The following TECRL variants were observed in gnomAD, a reference collection of about 807,000 sequenced individuals.
The protein encoded by TECRL is trans-2,3-enoyl-CoA reductase like.
In TECRL, 63 loss-of-function variants were observed where a neutral mutation model predicts 52.8. The observed-to-expected ratio is 1.19, with a 90% confidence interval of 0.97 to 1.47. The LOEUF (loss-of-function observed/expected upper bound fraction) is 1.47, where lower values mean the gene tolerates loss of function less well. Ranked by LOEUF, TECRL falls within the 40% of genes most tolerant of loss-of-function variation. The pLI, the probability that TECRL is intolerant of heterozygous loss-of-function variation, is 0.00. For missense variants in TECRL, 482 were observed against 429.6 expected (o/e 1.12, Z -1.08); for synonymous variants, 164 against 141.9 (o/e 1.16, Z -1.10).
intron 2 of TECRL, among the ~76,000 whole-genome samples, chr4:64,340,372 G>A (rs938004528): frequency 1.3e-5 from 2 of 152,172 alleles, no homozygotes. Context: ...GAGGTCTAGG[G>A]AGGCCCCGCT....
At chr4:64,344,947 C>A (rs1024525735) in intron 2 of TECRL, among the ~76,000 whole-genome samples, 3 of 152,024 alleles carry the variant, frequency 2.0e-5, no homozygotes, top group Non-Finnish European at 1.5e-5. Flanking sequence ...TTAACATTGT[C>A]CATAAAGAAG....
intron 6 of TECRL, among the ~76,000 whole-genome samples, chr4:64,306,013 A>T (rs1464854998): frequency 6.6e-6 from 1 of 152,042 alleles, no homozygotes. Flanking sequence ...AATAACTCAG[A>T]CCTCACTAAA....
intron 2 of TECRL, among the ~76,000 whole-genome samples, chr4:64,349,413 G>C (rs1186156204): frequency 6.6e-6 from 1 of 152,074 alleles, no homozygotes; most frequent in African/African-American, 2.4e-5. Context: ...TTATAGGTGT[G>C]AGCCACCTCC....
At chr4:64,400,248 G>A (rs1035099565) in intron 1 of TECRL, among the ~76,000 whole-genome samples, 4 of 152,268 alleles carry the variant, frequency 2.6e-5, no homozygotes, top group Middle Eastern at 3.4e-3. Context: ...GGACCCTGTA[G>A]CCACTTTCTT....
At chr4:64,295,713 CTA>C (rs1179094580) in intron 8 of TECRL, among the ~76,000 whole-genome samples, 15 of 151,712 alleles carry the variant, frequency 9.9e-5, no homozygotes, top group African/African-American at 3.6e-4. Flanking sequence ...AGTGAAATCT[CTA>C]TAGTTTTATA....
Position 64,400,675 on chromosome 4 carries a change from G to A in TECRL, c.234+8443C>T, listed in dbSNP as rs1429975585. Among the ~76,000 whole-genome samples, 5 of 152,114 alleles carry A rather than the reference G, an allele frequency of 3.3e-5. No homozygotes were observed. The East Asian group carries it at 9.7e-4, about 29-fold the overall frequency. Reference sequence around the variant, plus strand: ...CTTGGCACTGTCCTCTTCATAGTGAGTGAGTTCTTGCAGGATCTGATTGTT... The same window carrying A: ...CTTGGCACTGTCCTCTTCATAGTGAATGAGTTCTTGCAGGATCTGATTGTT... On this transcript the variant is annotated intron_variant, in intron 1 of 11. Coordinates refer to ENST00000381210, the MANE Select transcript of TECRL (RefSeq NM_001010874.5).
chr4:64,294,038 G>A (rs1044265073), intron 8 of TECRL, among the ~76,000 whole-genome samples: 1 of 151,310 alleles, frequency 6.6e-6, no homozygotes, highest in Non-Finnish European at 1.5e-5. Context: ...TCAGGCTGGA[G>A]TGCAGTGGCA....
chr4:64,306,945 C>T (rs1252684481), intron 6 of TECRL, among the ~76,000 whole-genome samples: 2 of 152,200 alleles, frequency 1.3e-5, no homozygotes, highest in African/African-American at 4.8e-5. Context: ...GCCAAGGTGC[C>T]TGACAAGGCA....
rs1395326933 is a variant in TECRL at position 64,280,052 on chromosome 4, T to G, written c.*20A>C. On this transcript the variant is annotated 3_prime_UTR_variant, in exon 12 of 12. Transcript: ENST00000381210. ...TGAATTTATATGTTGCTGTTTTCTA[T>G]AGGAGATAAGATTCTTTTTTTACAA... is the stretch of plus-strand genomic sequence containing the variant. The G allele has an allele frequency of 4.4e-6, 7 of 1,579,356 alleles. No individual in the cohort carries two copies. Among genetic ancestry groups the G allele is most frequent in the Non-Finnish European group, 6.0e-6 (7 of 1,163,984 alleles).
chr4:64,334,366 G>T (rs1411208738), intron 2 of TECRL, among the ~76,000 whole-genome samples: 1 of 152,144 alleles, frequency 6.6e-6, no homozygotes, highest in Non-Finnish European at 1.5e-5. Flanking sequence ...TTTCTTTGCA[G>T]TCTTGTAAAT....
chr4:64,345,924 A>AAAAAAAAAAAAAAAAAAC (rs1560516723), intron 2 of TECRL, among the ~76,000 whole-genome samples: 4 of 145,974 alleles, frequency 2.7e-5, no homozygotes, highest in Non-Finnish European at 4.5e-5. Context: ...AAAAAAAAAA[A>AAAAAAAAAAAAAAAAAAC]AAAAAAACAT....
intron 1 of TECRL, among the ~76,000 whole-genome samples, chr4:64,399,545 C>T (rs1724202840): frequency 6.6e-6 from 1 of 152,150 alleles, no homozygotes; most frequent in African/African-American, 2.4e-5. Flanking sequence ...CAGCCCCTCC[C>T]ACCAGAAGCC....
chr4:64,277,040 C>T, downstream of TECRL: 1 of 1,493,992 alleles, frequency 6.7e-7, no homozygotes, highest in Non-Finnish European at 8.9e-7. Flanking sequence ...ATGTCTTAGG[C>T]AGTGAGACCA....
chr4:64,313,022 C>T (rs1456106385), intron 5 of TECRL, among the ~76,000 whole-genome samples: 1 of 152,128 alleles, frequency 6.6e-6, no homozygotes, highest in Non-Finnish European at 1.5e-5. Flanking sequence ...CCTTGCGGAA[C>T]TGTGAGTCAA....
chr4:64,312,370 G>C (rs757752528), intron 5 of TECRL, among the ~76,000 whole-genome samples: 1 of 152,106 alleles, frequency 6.6e-6, no homozygotes, highest in Non-Finnish European at 1.5e-5. Flanking sequence ...ATCTGCTGTG[G>C]AATTACTTTA....
intron 2 of TECRL, among the ~76,000 whole-genome samples, chr4:64,347,931 G>T (rs1577913394): frequency 6.6e-6 from 1 of 152,144 alleles, no homozygotes; most frequent in East Asian, 1.9e-4. Flanking sequence ...CAACCAGTCA[G>T]CAAGTCTCTA....
intron 1 of TECRL, among the ~76,000 whole-genome samples, chr4:64,380,641 T>C (rs1199632766): frequency 6.6e-6 from 1 of 152,060 alleles, no homozygotes; most frequent in Non-Finnish European, 1.5e-5. Flanking sequence ...ATTTTTAGCA[T>C]CATTTATTAA....
intron 7 of TECRL, among the ~76,000 whole-genome samples, chr4:64,303,415 T>C (rs917764020): frequency 6.6e-5 from 10 of 151,694 alleles, no homozygotes; most frequent in Non-Finnish European, 4.4e-5. Flanking sequence ...CTCATTTTTG[T>C]GAAGGGGATC....
chr4:64,367,174 A>G (rs1721660022), intron 2 of TECRL, among the ~76,000 whole-genome samples: 1 of 152,102 alleles, frequency 6.6e-6, no homozygotes, highest in African/African-American at 2.4e-5. Flanking sequence ...TATAAGTGGG[A>G]GCAAAGCACT....
Sources: gnomAD v4.1 joint callset for allele counts (sites outside exome capture counted in the v4.1 genomes callset) on GRCh38, gnomAD v4.1.1 for gene constraint, MANE v1.5 for transcripts, NCBI Gene and HGNC (gene_info 2026-07-23, HGNC 2026-07-21) for gene names.